Variants in CDKAL1 observed in about 807,000 individuals in gnomAD.
The protein encoded by CDKAL1 is CDKAL1 threonylcarbamoyladenosine tRNA methylthiotransferase.
In CDKAL1, 32 loss-of-function variants were observed where a neutral mutation model predicts 68.2. The observed-to-expected ratio is 0.47, with a 90% confidence interval of 0.35 to 0.63. CDKAL1 has a LOEUF of 0.63. Ranked by LOEUF, CDKAL1 falls within the 30% of genes least tolerant of loss-of-function variation. The probability of loss-of-function intolerance (pLI) is 0.00; values close to 1 mark genes in which losing one functional copy is unlikely to be tolerated. For missense variants in CDKAL1, 606 were observed against 696.7 expected, an observed-to-expected ratio of 0.87 and a Z score of 1.47; for synonymous variants, 234 against 244.3, an observed-to-expected ratio of 0.96 and a Z score of 0.39.
intron 4 of CDKAL1, among the ~76,000 whole-genome samples, chr6:20,583,612 G>T (rs1765224298): frequency 6.6e-6 from 1 of 152,010 alleles, no homozygotes; most frequent in African/African-American, 2.4e-5. Context: ...TGAATGCTGT[G>T]AGAGAACTAT....
chr6:20,683,752 A>G (rs1032178535), intron 5 of CDKAL1, among the ~76,000 whole-genome samples: 1 of 152,226 alleles, frequency 6.6e-6, no homozygotes, highest in African/African-American at 2.4e-5. Flanking sequence ...AGTTTACATT[A>G]AAGTTGACTT....
At chr6:20,714,235 T>C (rs6456371) in intron 5 of CDKAL1, among the ~76,000 whole-genome samples, 45,736 of 151,544 alleles carry the variant, frequency 0.3, 8,794 homozygotes, top group African/African-American at 0.53. Flanking sequence ...AAGATAATAG[T>C]CTAAGGCTAT....
chr6:20,912,996 C>CA (rs201583965), intron 9 of CDKAL1, among the ~76,000 whole-genome samples: 1,483 of 139,982 alleles, frequency 0.011, 29 homozygotes, highest in African/African-American at 0.033. Flanking sequence ...TATATAATGG[C>CA]AAAAAAAAAA....
chr6:20,606,806 T>C (rs1393021206), intron 4 of CDKAL1, among the ~76,000 whole-genome samples: 1 of 152,222 alleles, frequency 6.6e-6, no homozygotes, highest in East Asian at 1.9e-4. Flanking sequence ...CAAAACTGTC[T>C]GCCAATGCGT....
intron 4 of CDKAL1, among the ~76,000 whole-genome samples, chr6:20,632,411 T>A (rs1228054831): frequency 6.6e-6 from 1 of 152,188 alleles, no homozygotes; most frequent in East Asian, 1.9e-4. Flanking sequence ...TTTGCACCAT[T>A]GTAAGGTTGA....
At chr6:21,161,236 C>T (rs897759369) in intron 13 of CDKAL1, among the ~76,000 whole-genome samples, 1 of 152,032 alleles carries the variant, frequency 6.6e-6, no homozygotes, top group African/African-American at 2.4e-5. Context: ...TTTTTCCCTC[C>T]CCTCCAACGA....
intron 12 of CDKAL1, among the ~76,000 whole-genome samples, chr6:21,093,677 C>G (rs1214066667): frequency 7.1e-6 from 1 of 140,394 alleles, no homozygotes; most frequent in Non-Finnish European, 1.5e-5. Flanking sequence ...AGATAACCAA[C>G]TGAGCTGCTG....
chr6:21,016,869 A>G (rs1768371207), intron 11 of CDKAL1, among the ~76,000 whole-genome samples: 2 of 152,162 alleles, frequency 1.3e-5, no homozygotes, highest in South Asian at 4.1e-4. Context: ...ATTCTCTTGA[A>G]TTGTGTTGTC....
In CDKAL1 at chr6:21,022,191, A is replaced by G. The variant is rs563702147; in HGVS notation, c.1055+21819A>G. 2.0e-5 allele frequency among the ~76,000 whole-genome samples: 3 copies of G among 152,322 alleles called. No individual in the cohort carries two copies. The South Asian group carries it at 6.2e-4, about 32-fold the overall frequency. ...TACTTTGCAGGTCCCGAGGTATGAA[A>G]TTAAGTTACATTTAAAAATCAGAAT... On this transcript the variant is annotated intron_variant, in intron 11 of 15. Coordinates refer to ENST00000274695, the MANE Select transcript of CDKAL1 (RefSeq NM_017774.3).
chr6:20,751,881 T>C (rs1773937449), intron 6 of CDKAL1, among the ~76,000 whole-genome samples: 1 of 152,194 alleles, frequency 6.6e-6, no homozygotes, highest in Non-Finnish European at 1.5e-5. Flanking sequence ...GAATAAGCTC[T>C]TGTGTATTCA....
chr6:20,789,570 T>A (rs1323184781), intron 8 of CDKAL1, among the ~76,000 whole-genome samples: 2 of 152,220 alleles, frequency 1.3e-5, no homozygotes, highest in Non-Finnish European at 2.9e-5. Flanking sequence ...AATTACTGAT[T>A]TAAAAAAACA....
intron 10 of CDKAL1, among the ~76,000 whole-genome samples, chr6:20,968,163 T>G (rs187260719): frequency 2.6e-5 from 4 of 151,556 alleles, no homozygotes; most frequent in Admixed American, 2.6e-4. Context: ...GGTTTTTTTT[T>G]TTGTTTTTTT....
In CDKAL1 at chr6:20,827,964, T is replaced by A. The variant is rs1777567073; in HGVS notation, c.639-18111T>A. Among the ~76,000 whole-genome samples the A allele has an allele frequency of 2.0e-5, 3 of 152,194 alleles. No individual in the cohort carries two copies. The South Asian group carries it at 6.2e-4, about 32-fold the overall frequency. On this transcript the variant is annotated intron_variant, in intron 8 of 15. Transcript: ENST00000274695. ...CCTGCCAACAGAATTTAAAATTGCA[T>A]AAGAAAATGGGTGTTGATGCTGAGA...
chr6:20,737,606 A>AT (rs34427164), intron 5 of CDKAL1, among the ~76,000 whole-genome samples: 29,465 of 152,124 alleles, frequency 0.19, 3,313 homozygotes, highest in East Asian at 0.34. Flanking sequence ...AAATGGAAAG[A>AT]TTTTTTTGTT....
At chr6:20,753,596 A>T (rs1263801335) in intron 6 of CDKAL1, among the ~76,000 whole-genome samples, 1 of 152,202 alleles carries the variant, frequency 6.6e-6, no homozygotes, top group African/African-American at 2.4e-5. Flanking sequence ...CAATGAAGCG[A>T]TGACCTAATA....
chr6:20,946,972 C>A (rs1339985546), intron 9 of CDKAL1, among the ~76,000 whole-genome samples: 1 of 152,102 alleles, frequency 6.6e-6, no homozygotes, highest in Non-Finnish European at 1.5e-5. Context: ...TGTTCTTTAT[C>A]TCTTAGTTTA....
rs113066007 is a variant in CDKAL1, at chr6:20,548,214, A to G, written c.174-379A>G. Among the ~76,000 whole-genome samples the G allele has an allele frequency of 6.7e-4, 102 of 152,264 alleles. 1 individual carries two copies. The highest frequency in any genetic ancestry group is 2.3e-3 in the African/African-American group (96 of 41,562). On this transcript the variant is annotated intron_variant, in intron 3 of 15. Coordinates refer to ENST00000274695, the MANE Select transcript of CDKAL1 (RefSeq NM_017774.3). ...TTTTTGTGTAATATATCTTAAAATC[A>G]TCTAGTGGTTTTTATTTTAAAAATA...
intron 11 of CDKAL1, among the ~76,000 whole-genome samples, chr6:21,028,002 G>T (rs530835768): frequency 6.6e-6 from 1 of 152,118 alleles, no homozygotes; most frequent in Non-Finnish European, 1.5e-5. Context: ...CATAAGGGTG[G>T]ACTAAACACA....
chr6:21,149,307 T>C (rs1776304319), intron 13 of CDKAL1, among the ~76,000 whole-genome samples: 1 of 151,932 alleles, frequency 6.6e-6, no homozygotes, highest in Non-Finnish European at 1.5e-5. Flanking sequence ...CAGGCCTGGC[T>C]AATTTTTTTG....
Sources: gnomAD v4.1 joint callset for allele counts (sites outside exome capture counted in the v4.1 genomes callset) on GRCh38, gnomAD v4.1.1 for gene constraint, MANE v1.5 for transcripts, NCBI Gene and HGNC (gene_info 2026-07-23, HGNC 2026-07-21) for gene names.